NOC4L: variants seen among roughly 807,000 people sequenced by gnomAD.
The protein encoded by NOC4L is nucleolar complex associated 4 homolog.
NOC4L carries 40 observed loss-of-function variants against 62.8 expected under a neutral mutation model. The observed-to-expected ratio is 0.64, with a 90% CI of 0.49 to 0.83. The LOEUF (loss-of-function observed/expected upper bound fraction) is 0.83. Ranked by LOEUF, NOC4L falls within the 40% of genes least tolerant of loss-of-function variation. NOC4L has a pLI of 0.00. For synonymous variants in NOC4L, 433 were observed against 299.8 expected (o/e 1.44, Z -4.59); for missense variants, 927 against 701.9 (o/e 1.32, Z -3.62).
In NOC4L at chr12:132,151,556, G is replaced by C. The variant is rs748579276; in HGVS notation, c.1146G>C (p.Glu382Asp). The change falls in exon 12 of 15, where the codon GAG becomes GAC. Residue 382 changes from glutamate to aspartate, a missense_variant. By Grantham distance (45) the Glu-to-Asp change is conservative. Transcript: ENST00000330579. ...LARLALTAPP[E>D]ALLMVLPFIC... ...GCCTGGCCCTGACGGCTCCCCCTGA[G>C]GCCCTGCTCATGGTCCTGCCTTTCA... is the stretch of plus-strand genomic sequence containing the variant. 30 of 1,609,956 alleles carry C rather than the reference G, an allele frequency of 1.9e-5. No individual in the cohort carries two copies. Among genetic ancestry groups the C allele is most frequent in the Non-Finnish European group, 2.5e-5 (30 of 1,179,252 alleles).
chr12:132,146,625 C>G (rs930732038), intron 3 of NOC4L, among the ~76,000 whole-genome samples: 3 of 152,174 alleles, frequency 2.0e-5, no homozygotes, highest in Non-Finnish European at 4.4e-5. Context: ...ACACGTCTGT[C>G]TATAATTATA....
chr12:132,151,690 G>T, intron 12 of NOC4L, 46 bp downstream of exon 12: 1 of 1,611,816 alleles, frequency 6.2e-7, no homozygotes, highest in South Asian at 1.1e-5. Flanking sequence ...TGGGGCGGGG[G>T]TGCCTGGTGC....
chr12:132,151,677 AGCTGGGGCGGGGGTGCCTGGT>A, intron 12 of NOC4L, 33 bp downstream of exon 12: 1 of 1,611,434 alleles, frequency 6.2e-7, no homozygotes, highest in Non-Finnish European at 8.5e-7. Context: ...GCTGGGCTGG[AGCTGGGGCGGGGGTGCCTGGT>A]GCTGTGGACG....
In NOC4L at chr12:132,147,938, G is replaced by T; in HGVS notation, c.662G>T (p.Arg221Leu). ...FTLLSAVSLP[R>L]REPTVSSFYV... is the part of the protein sequence containing the mutation. The stretch of plus-strand genomic sequence containing the variant: ...CTGCTGTCTGCCGTGAGCCTGCCCC[G>T]CCGGGAGCCCACCGTCTCCAGCTTC... The change falls in exon 6 of 15, where the codon CGC (arginine) becomes CTC (leucine). Residue 221 changes from arginine to leucine, a missense_variant. Arg to Leu is a moderately radical substitution (Grantham distance 102). Transcript: ENST00000330579. 2 of 1,607,112 alleles carry T rather than the reference G, an allele frequency of 1.2e-6. No homozygotes were observed. Among genetic ancestry groups the T allele is most frequent in the South Asian group, 1.1e-5 (1 of 90,456 alleles).
intron 1 of NOC4L, 45 bp from the exon 2 acceptor site, chr12:132,144,809 G>A: frequency 6.3e-7 from 1 of 1,578,274 alleles, no homozygotes; most frequent in African/African-American, 1.3e-5. Context: ...CAGGGGCGAA[G>A]GTGACAGTTG....
In NOC4L at chr12:132,151,270, C is replaced by T. The variant is rs765158113; in HGVS notation, c.975C>T (p.Asp325=). 1 of 1,611,762 alleles carries T rather than the reference C, an allele frequency of 6.2e-7. No individual in the cohort carries two copies. Among genetic ancestry groups the T allele is most frequent in the Non-Finnish European group, 8.5e-7 (1 of 1,179,856 alleles). Residue 325 remains aspartate (D), a synonymous_variant, in exon 11 of 15, where the codon GAC becomes GAT. Coordinates refer to ENST00000330579, the MANE Select transcript of NOC4L (RefSeq NM_024078.3). ...LIHKHNLEYP[D]FYRKLYGLLD... ...CCCCGGCCCGCAGGGAGTACCCTGACTTCTACCGGAAGCTCTACGGCCTCT... is the reference window on the plus strand; with the variant it reads ...CCCCGGCCCGCAGGGAGTACCCTGATTTCTACCGGAAGCTCTACGGCCTCT...
At chr12:132,150,929 T>C in intron 9 of NOC4L, 52 bp from the exon 10 acceptor site, 1 of 1,343,466 alleles carries the variant, frequency 7.4e-7, no homozygotes, top group Non-Finnish European at 1.0e-6. Context: ...GGGCAGGGGG[T>C]AGGGTGGGAG....
rs550199298 is a variant in NOC4L at position 132,145,106 on chromosome 12, C to T, written c.238+132C>T. On this transcript the variant is annotated intron_variant, in intron 2 of 14. Coordinates refer to ENST00000330579, the MANE Select transcript of NOC4L (RefSeq NM_024078.3). ...TGGTGGGAGGACGCACCAAGCCCAC[C>T]GTGGAAGATGGATGGTGGCGTTGGG... 661 of 1,277,432 alleles carry T rather than the reference C, an allele frequency of 5.2e-4. 8 individuals carry two copies. In the South Asian group the frequency reaches 9.0e-3, roughly 17 times the overall value. 79.1% of individuals were successfully genotyped at this position (1,277,432 alleles called of 1,614,324 possible). A position where few individuals can be genotyped will look rare whatever the true frequency, so the allele number is the denominator to read the frequency against.
chr12:132,151,227 C>T, intron 10 of NOC4L, 31 bp from the exon 11 acceptor site: 1 of 1,575,124 alleles, frequency 6.3e-7, no homozygotes, highest in South Asian at 1.1e-5. Flanking sequence ...GGGCCCTGCT[C>T]CATCCGCTGC....
chr12:132,148,386 G>T lies in NOC4L; in HGVS notation c.739-223G>T, dbSNP rs117972921. 9.3e-3 allele frequency among the ~76,000 whole-genome samples: 1,418 copies of T among 152,292 alleles called. 16 individuals are homozygous for T. The highest frequency in any genetic ancestry group is 0.014 in the Middle Eastern group (4 of 294). ...CTGTTTTGGGCGCAGCCCCCCTCTTGGCCATGGTCTTGCCAAAGCTGCTTT... is the reference window on the plus strand; with the variant it reads ...CTGTTTTGGGCGCAGCCCCCCTCTTTGCCATGGTCTTGCCAAAGCTGCTTT... On this transcript the variant is annotated intron_variant, in intron 7 of 14. Transcript: ENST00000330579.
chr12:132,144,545 G>A lies in NOC4L; in HGVS notation c.57G>A (p.Glu19=), dbSNP rs1311837862. 6.6e-7 allele frequency: 1 copy of A among 1,518,234 alleles called. No homozygotes were observed. The highest frequency in any genetic ancestry group is 2.0e-5 in the Admixed American group (1 of 49,508). 94.0% of individuals were successfully genotyped at this position (1,518,234 alleles called of 1,614,324 possible). A position where few individuals can be genotyped will look rare whatever the true frequency, so the allele number is the denominator to read the frequency against. Residue 19 remains glutamate, a synonymous_variant, in exon 1 of 15, where the codon GAG becomes GAA. Transcript: ENST00000330579. ...GVRRALGRRL[E]AVLASRSEAN... ...GCCGGGCTCTGGGCCGCCGGCTGGA[G>A]GCGGTGCTGGCGAGCCGCAGTGAGG...
chr12:132,147,770 C>T lies in NOC4L; in HGVS notation c.591C>T (p.Gly197=), dbSNP rs1897779226. ...TGGATGCCGTGGCCCGGGTCACTGG[C>T]CAGCACCCCGAGGTGGGTGATGGGG... The part of the protein sequence containing the change: ...AAVDAVARVT[G]QHPEVPPAFW... Residue 197 remains glycine, a synonymous_variant, in exon 5 of 15, where the codon GGC becomes GGT. Coordinates refer to ENST00000330579, the MANE Select transcript of NOC4L (RefSeq NM_024078.3). 3.7e-6 allele frequency: 6 copies of T among 1,612,614 alleles called. No homozygotes were observed. Among genetic ancestry groups the T allele is most frequent in the Non-Finnish European group, 4.2e-6 (5 of 1,179,922 alleles).
In NOC4L at chr12:132,148,777, C is replaced by T. The variant is rs370673895; in HGVS notation, c.790-7C>T. On this transcript the variant is annotated splice_region_variant and splice_polypyrimidine_tract_variant and intron_variant, in intron 8 of 14. Coordinates refer to ENST00000330579, the MANE Select transcript of NOC4L (RefSeq NM_024078.3). The stretch of plus-strand genomic sequence containing the variant: ...CCCCTCACCCCCACCTGCCGGCCCC[C>T]GCCCAGCTGCCCCTCAGCCTCTACA... 1.2e-4 allele frequency: 185 copies of T among 1,539,922 alleles called. No homozygotes were observed. The highest frequency in any genetic ancestry group is 1.1e-3 in the African/African-American group (78 of 72,268).
At chr12:132,150,593 C>T (rs1340737368) in intron 9 of NOC4L, among the ~76,000 whole-genome samples, 65 of 882 alleles carry the variant, frequency 0.074, 26 homozygotes, top group African/African-American at 0.22. Flanking sequence ...CATACCACAC[C>T]CCTAATCCCC....
At chr12:132,152,016 G>T in intron 13 of NOC4L, 68 bp from the exon 14 acceptor site, 1 of 1,452,496 alleles carries the variant, frequency 6.9e-7, no homozygotes, top group Admixed American at 2.1e-5. Flanking sequence ...GGAGCACAGG[G>T]AGGCCATGGC....
At chr12:132,145,409 C>T in intron 2 of NOC4L, 150 bp from the exon 3 acceptor site, 1 of 587,786 alleles carries the variant, frequency 1.7e-6, no homozygotes, top group Non-Finnish European at 3.0e-6. Context: ...CTGGTCTCAG[C>T]ACAGGTCTGG....
In NOC4L at chr12:132,148,661, TA is replaced by T; in HGVS notation, c.789+3del. The T allele has an allele frequency of 6.5e-7, 1 of 1,528,814 alleles. No individual in the cohort carries two copies. The highest frequency in any genetic ancestry group is 1.7e-4 in the Middle Eastern group (1 of 5,750). The allele number at this position is 1,528,814 out of a possible 1,614,324, so 94.7% of individuals were successfully genotyped here. On this transcript the variant is annotated splice_donor_region_variant and intron_variant, in intron 8 of 14. Transcript: ENST00000330579. ...TGGCTCAGCTTCCTCAAGCACAAGG[TA>T]GGGGCCAGGCCGGGGAGGGGGCGGG...
Position 132,148,799 on chromosome 12 carries a change from T to C in NOC4L, c.805T>C (p.Tyr269His), listed in dbSNP as rs1897830229. 1 of 1,519,026 alleles carries C rather than the reference T, an allele frequency of 6.6e-7. No homozygotes were observed. The highest frequency in any genetic ancestry group is 1.6e-5 in the African/African-American group (1 of 61,614). The allele number at this position is 1,519,026 out of a possible 1,614,324, so 94.1% of individuals were successfully genotyped here. A position where few individuals can be genotyped will look rare whatever the true frequency, so the allele number is the denominator to read the frequency against. Residue 269 changes from tyrosine (Y) to histidine (H), a missense_variant, in exon 9 of 15, where the codon TAC becomes CAC. Coordinates refer to ENST00000330579, the MANE Select transcript of NOC4L (RefSeq NM_024078.3). ...FLKHKLPLSL[Y>H]KKVLLIVHDA... The stretch of plus-strand genomic sequence containing the variant: ...CCCCGCCCAGCTGCCCCTCAGCCTC[T>C]ACAAGAAGGTGCTGCTGATTGTGCA...
At position 132,151,171 on chromosome 12, in the gene NOC4L, G is replaced by A. The variant is rs1020177754; in HGVS notation, c.963-87G>A. On this transcript the variant is annotated intron_variant, in intron 10 of 14. Coordinates refer to ENST00000330579, the MANE Select transcript of NOC4L (RefSeq NM_024078.3). ...ATGGTGTTGGAGTCCCTGGGCGGGAGGAAGGGGCGCCGAGTGAGACCCTGG... is the reference window on the plus strand; with the variant it reads ...ATGGTGTTGGAGTCCCTGGGCGGGAAGAAGGGGCGCCGAGTGAGACCCTGG... 1.3e-5 allele frequency: 19 copies of A among 1,435,590 alleles called. No individual in the cohort carries two copies. In the South Asian group the frequency reaches 2.0e-4, roughly 15 times the overall value. The allele number at this position is 1,435,590 out of a possible 1,614,324, so 88.9% of individuals were successfully genotyped here.
Sources: gnomAD v4.1 joint callset for allele counts (sites outside exome capture counted in the v4.1 genomes callset) on GRCh38, gnomAD v4.1.1 for gene constraint, MANE v1.5 for transcripts, NCBI Gene and HGNC (gene_info 2026-07-23, HGNC 2026-07-21) for gene names.